The following CNTN4 variants were observed in gnomAD, a reference collection of about 807,000 sequenced individuals.
CNTN4 encodes the protein contactin-4.
A neutral mutation model predicts 122.5 loss-of-function variants in CNTN4; 77 were observed. That is an observed-to-expected ratio of 0.63 (90% CI 0.52 to 0.76). The LOEUF is 0.76. CNTN4 is among the 30% of genes least tolerant of loss of function. The probability of loss-of-function intolerance (pLI) is 0.00; values close to 1 mark genes in which losing one functional copy is unlikely to be tolerated. For missense variants in CNTN4, 1,256 were observed against 1,259.1 expected (o/e 1.00, Z 0.04); for synonymous variants, 512 against 447.0 (o/e 1.15, Z -1.83).
chr3:2,185,443 C>T (rs1415603467), intron 2 of CNTN4, among the ~76,000 whole-genome samples: 1 of 152,112 alleles, frequency 6.6e-6, no homozygotes, highest in Non-Finnish European at 1.5e-5. Context: ...TATCCCAGAT[C>T]TTTCAGGAGG....
chr3:2,729,844 G>T (rs1229344606), intron 4 of CNTN4, among the ~76,000 whole-genome samples: 1 of 152,174 alleles, frequency 6.6e-6, no homozygotes, highest in Non-Finnish European at 1.5e-5. Flanking sequence ...AACCTGGGAG[G>T]CGGAGGTTGC....
intron 13 of CNTN4, among the ~76,000 whole-genome samples, chr3:2,968,891 G>A (rs1182077287): frequency 6.6e-6 from 1 of 152,172 alleles, no homozygotes; most frequent in Non-Finnish European, 1.5e-5. Flanking sequence ...AAGTGACACT[G>A]TGTATTCATC....
chr3:2,490,509 AAG>A (rs2076286136), intron 3 of CNTN4, among the ~76,000 whole-genome samples: 1 of 139,678 alleles, frequency 7.2e-6, no homozygotes, highest in East Asian at 2.2e-4. Context: ...TAATTTTACA[AAG>A]AGTAAAGTTG....
chr3:2,788,586 A>G (rs1456658705), intron 6 of CNTN4, among the ~76,000 whole-genome samples: 1 of 152,172 alleles, frequency 6.6e-6, no homozygotes, highest in Non-Finnish European at 1.5e-5. Context: ...CAATCTTTGG[A>G]AAAATATACT....
intron 4 of CNTN4, among the ~76,000 whole-genome samples, chr3:2,708,751 A>T (rs1044813853): frequency 1.1e-4 from 8 of 70,682 alleles, no homozygotes; most frequent in Admixed American, 3.3e-4. Flanking sequence ...ACACACACAC[A>T]CACACACACA....
intron 2 of CNTN4, among the ~76,000 whole-genome samples, chr3:2,282,740 A>C (rs1468332551): frequency 1.3e-5 from 2 of 152,202 alleles, no homozygotes; most frequent in Non-Finnish European, 2.9e-5. Context: ...AAGTAGAAAC[A>C]ACTCAAATGT....
intron 2 of CNTN4, among the ~76,000 whole-genome samples, chr3:2,291,804 G>A (rs1422107683): frequency 1.3e-5 from 2 of 152,046 alleles, no homozygotes; most frequent in Admixed American, 1.3e-4. Context: ...CAGGATCTTG[G>A]CTCACTGCAA....
At chr3:2,294,545 C>T (rs962562383) in intron 2 of CNTN4, among the ~76,000 whole-genome samples, 32 of 152,148 alleles carry the variant, frequency 2.1e-4, no homozygotes, top group Middle Eastern at 6.8e-3. Context: ...ATGGGAGGAT[C>T]GCTTGAGCCT....
Position 2,648,089 on chromosome 3 carries a change from AT to A in CNTN4, c.55+76540del, listed in dbSNP as rs897102628. Among the ~76,000 whole-genome samples the A allele has an allele frequency of 7.9e-5, 12 of 151,868 alleles. No homozygotes were observed. The East Asian group carries it at 1.5e-3, about 20-fold the overall frequency. On this transcript the variant is annotated intron_variant, in intron 4 of 24. Transcript: ENST00000418658. ...CAACTGCAAAGAAAACGCTCTGAAGATTTTTTTTTCCTGTCAAAATGCCACT... is the reference window on the plus strand; with the variant it reads ...CAACTGCAAAGAAAACGCTCTGAAGATTTTTTTTCCTGTCAAAATGCCACT...
chr3:2,293,683 G>T (rs1185888144), intron 2 of CNTN4, among the ~76,000 whole-genome samples: 1 of 152,092 alleles, frequency 6.6e-6, no homozygotes, highest in Non-Finnish European at 1.5e-5. Context: ...TCTTTCTTAC[G>T]AGTATATCTC....
chr3:2,837,269 A>G (rs112421850), intron 7 of CNTN4, among the ~76,000 whole-genome samples: 3 of 152,320 alleles, frequency 2.0e-5, no homozygotes, highest in African/African-American at 7.2e-5. Flanking sequence ...TTTCCACCAT[A>G]CATGGACACA....
chr3:2,357,247 A>C (rs2044912020), intron 3 of CNTN4, among the ~76,000 whole-genome samples: 2 of 152,220 alleles, frequency 1.3e-5, no homozygotes, highest in South Asian at 2.1e-4. Context: ...TGTACTTTTC[A>C]GAATAGAAAT....
chr3:2,888,843 A>G (rs921773341), intron 10 of CNTN4, among the ~76,000 whole-genome samples: 1 of 152,062 alleles, frequency 6.6e-6, no homozygotes, highest in Admixed American at 6.5e-5. Flanking sequence ...GTAGCTTATT[A>G]AATATGTATA....
chr3:2,264,654 T>A (rs544650918), intron 2 of CNTN4, among the ~76,000 whole-genome samples: 1 of 152,094 alleles, frequency 6.6e-6, no homozygotes, highest in Non-Finnish European at 1.5e-5. Context: ...ATTGTTATTT[T>A]TTTTGTTTTT....
At chr3:2,457,335 C>T (rs189589272) in intron 3 of CNTN4, among the ~76,000 whole-genome samples, 11 of 152,062 alleles carry the variant, frequency 7.2e-5, no homozygotes, top group Admixed American at 5.9e-4. Flanking sequence ...TTTTTCAAAA[C>T]AATATGTATT....
intron 4 of CNTN4, among the ~76,000 whole-genome samples, chr3:2,595,460 C>T (rs2149696129): frequency 6.6e-6 from 1 of 152,234 alleles, no homozygotes; most frequent in South Asian, 2.1e-4. Flanking sequence ...TATAATCTTC[C>T]ACATCCCACC....
At chr3:2,152,348 A>G (rs1452695770) in intron 2 of CNTN4, among the ~76,000 whole-genome samples, 1 of 152,130 alleles carries the variant, frequency 6.6e-6, no homozygotes, top group Non-Finnish European at 1.5e-5. Flanking sequence ...GTCTTTGTAA[A>G]CCACTGTCAG....
intron 2 of CNTN4, among the ~76,000 whole-genome samples, chr3:2,276,279 T>C (rs2041507384): frequency 6.6e-6 from 1 of 152,054 alleles, no homozygotes; most frequent in African/African-American, 2.4e-5. Context: ...TTCAAGTGAT[T>C]CTCCTGCCTC....
At chr3:2,225,785 C>T (rs2039258615) in intron 2 of CNTN4, among the ~76,000 whole-genome samples, 1 of 152,174 alleles carries the variant, frequency 6.6e-6, no homozygotes, top group African/African-American at 2.4e-5. Flanking sequence ...CATCTGACCC[C>T]ACTCATCATG....
Sources: gnomAD v4.1 joint callset for allele counts (sites outside exome capture counted in the v4.1 genomes callset) on GRCh38, gnomAD v4.1.1 for gene constraint, MANE v1.5 for transcripts, NCBI Gene and HGNC (gene_info 2026-07-23, HGNC 2026-07-21) for gene names.